SDK1: variants seen among roughly 807,000 people sequenced by gnomAD.
SDK1 encodes protein sidekick-1.
In SDK1, 157 loss-of-function variants were observed where a neutral mutation model predicts 245.5. That is an observed-to-expected ratio of 0.64 (90% CI 0.56 to 0.73). The LOEUF (loss-of-function observed/expected upper bound fraction) is 0.73, where lower values mean the gene tolerates loss of function less well. Ranked by LOEUF, SDK1 falls within the 30% of genes least tolerant of loss-of-function variation. The pLI, the probability that SDK1 is intolerant of heterozygous loss-of-function variation, is 0.00. For missense variants in SDK1, 3,583 were observed against 3,002.3 expected, an observed-to-expected ratio of 1.19 and a Z score of -4.52; for synonymous variants, 1,647 against 1,278.5, an observed-to-expected ratio of 1.29 and a Z score of -6.15.
At chr7:3,696,820 A>G (rs1354501140) in intron 4 of SDK1, among the ~76,000 whole-genome samples, 1 of 152,108 alleles carries the variant, frequency 6.6e-6, no homozygotes, top group African/African-American at 2.4e-5. Flanking sequence ...TAACAAAGCA[A>G]TTCACTCTAA....
chr7:3,519,192 C>A (rs1222824922), intron 1 of SDK1, among the ~76,000 whole-genome samples: 1 of 151,976 alleles, frequency 6.6e-6, no homozygotes, highest in Non-Finnish European at 1.5e-5. Flanking sequence ...GAAACTCCAG[C>A]TAGATAGGAA....
intron 1 of SDK1, among the ~76,000 whole-genome samples, chr7:3,563,107 G>T (rs959179353): frequency 6.6e-6 from 1 of 152,140 alleles, no homozygotes; most frequent in African/African-American, 2.4e-5. Flanking sequence ...ATCTGCTGGG[G>T]AGACATTGTG....
chr7:4,101,246 A>G (rs1218670429), intron 22 of SDK1, among the ~76,000 whole-genome samples: 2 of 149,058 alleles, frequency 1.3e-5, no homozygotes, highest in African/African-American at 2.5e-5. Flanking sequence ...GGTTCACACC[A>G]TTCTCCTGCC....
At chr7:3,318,300 G>A (rs1258199811) in intron 1 of SDK1, among the ~76,000 whole-genome samples, 1 of 152,146 alleles carries the variant, frequency 6.6e-6, no homozygotes, top group Non-Finnish European at 1.5e-5. Context: ...TCGTAGAGCT[G>A]GATTCAAATC....
At chr7:4,262,420 G>T (rs954639389) in intron 44 of SDK1, among the ~76,000 whole-genome samples, 7 of 151,532 alleles carry the variant, frequency 4.6e-5, no homozygotes, top group African/African-American at 1.7e-4. Flanking sequence ...AAAACATGCA[G>T]GGTCCATGTT....
intron 22 of SDK1, among the ~76,000 whole-genome samples, chr7:4,090,646 G>T (rs1781729343): frequency 6.6e-6 from 1 of 152,084 alleles, no homozygotes. Flanking sequence ...AACTCATCTT[G>T]TTCTTTCTCT....
At chr7:3,421,535 A>G (rs1048097640) in intron 1 of SDK1, among the ~76,000 whole-genome samples, 2 of 152,172 alleles carry the variant, frequency 1.3e-5, no homozygotes, top group African/African-American at 4.8e-5. Context: ...TTAGATTGAC[A>G]TTAGTTTTGA....
chr7:4,265,236 C>G lies in SDK1; in HGVS notation c.6494C>G (p.Pro2165Arg), dbSNP rs752199755. 13 of 1,607,888 alleles carry G rather than the reference C, an allele frequency of 8.1e-6. No homozygotes were observed. In the South Asian group the frequency reaches 1.4e-4, roughly 18 times the overall value. ...AAGCGCAGGGCCCAGGGCCGCGCACCTGCGCCGCACAGGTACGAGGCGGTG... is the reference window on the plus strand; with the variant it reads ...AAGCGCAGGGCCCAGGGCCGCGCACGTGCGCCGCACAGGTACGAGGCGGTG... ...SWKRRAQGRA[P>R]APHRYEAVAG... The change falls in exon 45 of 45, where the codon CCT (proline) becomes CGT (arginine). Residue 2165 changes from proline to arginine, a missense_variant. Physicochemically the swap from Pro to Arg is moderately radical, Grantham distance 103. Transcript: ENST00000404826.
Position 3,619,231 on chromosome 7 carries a change from C to T in SDK1, c.450C>T (p.Ser150=), listed in dbSNP as rs200172813. Residue 150 remains serine (S), a synonymous_variant, in exon 2 of 45, where the codon AGC becomes AGT. Coordinates refer to ENST00000404826, the MANE Select transcript of SDK1 (RefSeq NM_152744.4). ...RDDSELTTYS[S]EYKYIIPSLQ... The stretch of plus-strand genomic sequence containing the variant: ...ACAGTGAGCTCACCACCTACAGCAG[C>T]GAATATAAGTAATTGATCGCTTGAA... The T allele has an allele frequency of 4.1e-5, 66 of 1,605,076 alleles. No individual in the cohort carries two copies. The highest frequency in any genetic ancestry group is 5.3e-5 in the Non-Finnish European group (62 of 1,172,980).
At chr7:4,255,699 C>T (rs1333677114) in intron 44 of SDK1, among the ~76,000 whole-genome samples, 1 of 152,140 alleles carries the variant, frequency 6.6e-6, no homozygotes. Context: ...CAGAACTTTC[C>T]TCTCCAAGTT....
intron 4 of SDK1, among the ~76,000 whole-genome samples, chr7:3,661,881 A>T (rs1461898778): frequency 1.3e-5 from 2 of 152,016 alleles, no homozygotes; most frequent in Non-Finnish European, 2.9e-5. Context: ...GCCTCATAGC[A>T]TGGCTGAGGG....
At chr7:3,467,465 C>T (rs1029334946) in intron 1 of SDK1, among the ~76,000 whole-genome samples, 9 of 151,752 alleles carry the variant, frequency 5.9e-5, no homozygotes, top group Admixed American at 4.6e-4. Context: ...AAAAATATAC[C>T]AATAACCCAG....
chr7:3,430,660 C>G (rs557534993), intron 1 of SDK1, among the ~76,000 whole-genome samples: 2 of 152,276 alleles, frequency 1.3e-5, no homozygotes, highest in African/African-American at 4.8e-5. Context: ...TTCCAGAATC[C>G]CAAAAGGCAG....
chr7:3,407,223 G>A (rs185500401), intron 1 of SDK1, among the ~76,000 whole-genome samples: 8 of 152,296 alleles, frequency 5.3e-5, no homozygotes, highest in South Asian at 4.1e-4. Flanking sequence ...GGAACTTTGC[G>A]TGAAAAATTT....
At chr7:4,069,893 A>C (rs1485588612) in intron 20 of SDK1, among the ~76,000 whole-genome samples, 5 of 152,204 alleles carry the variant, frequency 3.3e-5, no homozygotes, top group Non-Finnish European at 7.3e-5. Context: ...ACGTCCCACC[A>C]TCACAGCCAA....
At chr7:3,341,646 C>T (rs754824635) in intron 1 of SDK1, among the ~76,000 whole-genome samples, 2 of 152,118 alleles carry the variant, frequency 1.3e-5, no homozygotes, top group African/African-American at 2.4e-5. Flanking sequence ...TGTTTCTATA[C>T]CCTAACAAAA....
intron 4 of SDK1, among the ~76,000 whole-genome samples, chr7:3,661,803 G>C (rs1175870346): frequency 2.0e-5 from 3 of 152,032 alleles, no homozygotes; most frequent in South Asian, 4.1e-4. Flanking sequence ...GTGTGGCCTC[G>C]GGCAAGCACC....
intron 1 of SDK1, among the ~76,000 whole-genome samples, chr7:3,501,879 T>G (rs544998175): frequency 6.6e-6 from 1 of 152,324 alleles, no homozygotes; most frequent in South Asian, 2.1e-4. Context: ...TCTTGTTGAT[T>G]TACAGACATT....
chr7:4,057,322 A>G (rs1779266921), intron 19 of SDK1, among the ~76,000 whole-genome samples: 1 of 152,048 alleles, frequency 6.6e-6, no homozygotes. Context: ...CCTGTCCACC[A>G]CTATGAGCAC....
Sources: allele counts gnomAD v4.1 joint callset (sites outside exome capture counted in the v4.1 genomes callset), GRCh38; gene constraint gnomAD v4.1.1; transcripts MANE v1.5; gene names NCBI Gene and HGNC (gene_info 2026-07-23, HGNC 2026-07-21).